Variants in KCND3 observed in about 807,000 individuals in gnomAD.
The protein encoded by KCND3 is A-type voltage-gated potassium channel KCND3.
KCND3 carries 9 observed loss-of-function variants against 51.1 expected under a neutral mutation model. The observed-to-expected ratio is 0.18, with a 90% confidence interval of 0.11 to 0.31. KCND3 has a LOEUF of 0.31. Among genes scored for constraint, KCND3 ranks in the 10% least tolerant of loss-of-function variants. KCND3 has a pLI of 1.00. For synonymous variants in KCND3, 349 were observed against 368.0 expected, an observed-to-expected ratio of 0.95 and a Z score of 0.59; for missense variants, 526 against 903.8, an observed-to-expected ratio of 0.58 and a Z score of 5.36.
rs146721752 is a variant in KCND3, at chr1:111,788,224, C to A, written c.1107-1118G>T. Among the ~76,000 whole-genome samples, 117 of 152,336 alleles carry A rather than the reference C, an allele frequency of 7.7e-4. 1 individual carries two copies. The East Asian group carries it at 0.019, about 25-fold the overall frequency. ...CCTCTTTATTGAGATAATTGAAAGG[C>A]CTTATTAAGCAAAGAGCTGTGATTA... On this transcript the variant is annotated intron_variant, in intron 2 of 7. Coordinates refer to ENST00000302127, the MANE Select transcript of KCND3 (RefSeq NM_001378969.1).
rs149596792 is a variant in KCND3 at position 111,887,614 on chromosome 1, G to A, written c.1106+94007C>T. Among the ~76,000 whole-genome samples the A allele has an allele frequency of 6.5e-3, 987 of 152,328 alleles. 9 individuals carry two copies. The highest frequency in any genetic ancestry group is 0.022 in the African/African-American group (923 of 41,570). ...ACAGTAGCAGGGGTAAACATTTACC[G>A]AGTGGAGAAAGGAAGAGCCAGCAGG... On this transcript the variant is annotated intron_variant, in intron 2 of 7. Coordinates refer to ENST00000302127, the MANE Select transcript of KCND3 (RefSeq NM_001378969.1).
At chr1:111,924,825 G>C (rs559789516) in intron 2 of KCND3, among the ~76,000 whole-genome samples, 10 of 152,334 alleles carry the variant, frequency 6.6e-5, no homozygotes, top group South Asian at 4.1e-4. Context: ...CTATGACCCT[G>C]AGAGGGACAA....
Position 111,941,332 on chromosome 1 carries a change from C to T in KCND3, c.1106+40289G>A, listed in dbSNP as rs1424004454. 2.6e-5 allele frequency among the ~76,000 whole-genome samples: 4 copies of T among 152,236 alleles called. No homozygotes were observed. The East Asian group carries it at 7.7e-4, about 29-fold the overall frequency. On this transcript the variant is annotated intron_variant, in intron 2 of 7. Coordinates refer to ENST00000302127, the MANE Select transcript of KCND3 (RefSeq NM_001378969.1). The stretch of plus-strand genomic sequence containing the variant: ...GTGGGACCCCCTTGCAGGCCCCCTC[C>T]TACCTCCCCACCTGCCCCAGTCTCT...
In KCND3 at chr1:111,964,293, G is replaced by A. The variant is rs556822749; in HGVS notation, c.1106+17328C>T. On this transcript the variant is annotated intron_variant, in intron 2 of 7. Transcript: ENST00000302127. ...CCAGCTGGGACGCTGAGAGCAGTAG[G>A]TGGGGAGGGGTGACTCCTGGGCAGG... Among the ~76,000 whole-genome samples the A allele has an allele frequency of 5.3e-5, 8 of 152,338 alleles. No homozygotes were observed. In the East Asian group the frequency reaches 1.4e-3, roughly 26 times the overall value.
intron 3 of KCND3, among the ~76,000 whole-genome samples, chr1:111,783,131 T>C (rs1054515423): frequency 2.0e-5 from 3 of 150,340 alleles, no homozygotes; most frequent in African/African-American, 7.4e-5. Flanking sequence ...CTTCACCCTC[T>C]TCCATGGCCT....
At chr1:111,879,375 C>T (rs1284668270) in intron 2 of KCND3, among the ~76,000 whole-genome samples, 1 of 152,162 alleles carries the variant, frequency 6.6e-6, no homozygotes, top group Non-Finnish European at 1.5e-5. Context: ...ATTCTTGCCT[C>T]TCAGCTTCCA....
At chr1:111,885,893 G>A (rs562767128) in intron 2 of KCND3, among the ~76,000 whole-genome samples, 12 of 152,120 alleles carry the variant, frequency 7.9e-5, no homozygotes, top group African/African-American at 1.4e-4. Flanking sequence ...GGCTGGTCTC[G>A]AACTCCTGAC....
intron 2 of KCND3, among the ~76,000 whole-genome samples, chr1:111,824,524 G>T (rs1425674183): frequency 2.6e-5 from 4 of 152,242 alleles, no homozygotes; most frequent in Non-Finnish European, 4.4e-5. Flanking sequence ...TAGAAAGGGA[G>T]ATGAGCAAGG....
intron 2 of KCND3, among the ~76,000 whole-genome samples, chr1:111,797,981 A>G (rs1651390532): frequency 1.3e-5 from 2 of 152,234 alleles, no homozygotes; most frequent in African/African-American, 4.8e-5. Context: ...TCCAGGCAGG[A>G]AAGGCCTGAG....
At chr1:111,888,214 C>CCAGA (rs1197005167) in intron 2 of KCND3, among the ~76,000 whole-genome samples, 2 of 152,128 alleles carry the variant, frequency 1.3e-5, no homozygotes, top group East Asian at 1.9e-4. Context: ...CCTCCAAGGG[C>CCAGA]CAGAGGCCAA....
chr1:111,799,359 T>C (rs1297072336), intron 2 of KCND3, among the ~76,000 whole-genome samples: 1 of 152,118 alleles, frequency 6.6e-6, no homozygotes, highest in African/African-American at 2.4e-5. Context: ...ATCACAAAGA[T>C]TAGCAAGCAA....
intron 2 of KCND3, among the ~76,000 whole-genome samples, chr1:111,843,398 C>T (rs111408765): frequency 1.3e-5 from 2 of 152,220 alleles, no homozygotes; most frequent in Non-Finnish European, 2.9e-5. Flanking sequence ...GCTGCCCAGT[C>T]CCTCCAGATG....
At chr1:111,958,338 G>T (rs536873681) in intron 2 of KCND3, among the ~76,000 whole-genome samples, 2 of 152,142 alleles carry the variant, frequency 1.3e-5, no homozygotes, top group South Asian at 4.1e-4. Context: ...ACCCTGAGCT[G>T]CAGCCAAGGT....
intron 2 of KCND3, among the ~76,000 whole-genome samples, chr1:111,975,140 A>G (rs1283230123): frequency 2.0e-5 from 3 of 152,144 alleles, no homozygotes; most frequent in Non-Finnish European, 4.4e-5. Context: ...GGTGCTCAGT[A>G]AATGTTGCCC....
intron 2 of KCND3, among the ~76,000 whole-genome samples, chr1:111,891,258 G>A (rs1018650159): frequency 6.6e-6 from 1 of 152,204 alleles, no homozygotes; most frequent in Admixed American, 6.5e-5. Context: ...AAAAGGAAGA[G>A]AATGGGCAAG....
intron 2 of KCND3, among the ~76,000 whole-genome samples, chr1:111,796,275 G>A (rs891006157): frequency 1.3e-5 from 2 of 152,006 alleles, no homozygotes; most frequent in African/African-American, 4.8e-5. Flanking sequence ...TCCTATGTCC[G>A]GAGTGGTATT....
At chr1:111,965,161 TTC>T (rs1673898285) in intron 2 of KCND3, among the ~76,000 whole-genome samples, 1 of 149,822 alleles carries the variant, frequency 6.7e-6, no homozygotes, top group Non-Finnish European at 1.5e-5. Flanking sequence ...CCCCCAGCAA[TTC>T]TCTCTGGATT....
At chr1:111,948,685 C>T (rs1672909296) in intron 2 of KCND3, among the ~76,000 whole-genome samples, 1 of 152,120 alleles carries the variant, frequency 6.6e-6, no homozygotes, top group African/African-American at 2.4e-5. Flanking sequence ...AGACCTGCTG[C>T]TCCCCTCTGG....
chr1:111,893,722 G>T (rs376629686), intron 2 of KCND3, among the ~76,000 whole-genome samples: 1 of 152,158 alleles, frequency 6.6e-6, no homozygotes, highest in Non-Finnish European at 1.5e-5. Flanking sequence ...CAAGTGACAG[G>T]AGTCATGGTG....
Sources: allele counts gnomAD v4.1 joint callset (sites outside exome capture counted in the v4.1 genomes callset), GRCh38; gene constraint gnomAD v4.1.1; transcripts MANE v1.5; gene names NCBI Gene and HGNC (gene_info 2026-07-23, HGNC 2026-07-21).